CEBPZOS: variants seen among roughly 807,000 people sequenced by gnomAD.
The protein encoded by CEBPZOS is CEBPZ opposite strand.
A neutral mutation model predicts 4.8 loss-of-function variants in CEBPZOS; 10 were observed. The ratio of observed to expected loss-of-function variants is 2.07; its 90% CI spans 1.28 to 3.52. The LOEUF (loss-of-function observed/expected upper bound fraction) is 3.52. Among genes scored for constraint, CEBPZOS ranks in the 30% most tolerant of loss-of-function variants. The pLI is 0.00. For missense variants in CEBPZOS, 98 were observed against 43.6 expected (o/e 2.25, Z -3.51); for synonymous variants, 25 against 14.2 (o/e 1.77, Z -1.72).
intron 1 of CEBPZOS, 119 bp downstream of exon 1, chr2:37,196,639 A>G (rs1477044063): frequency 6.6e-6 from 1 of 152,360 alleles, no homozygotes; most frequent in East Asian, 1.9e-4. Context: ...TGTGGAGGAT[A>G]GTCAGGTGTC....
At position 37,202,695 on chromosome 2, in the gene CEBPZOS, ATAAATAAAAT is replaced by A; in HGVS notation, c.*836_*845del. On this transcript the variant is annotated 3_prime_UTR_variant, in exon 5 of 5. Transcript: ENST00000402297. The stretch of plus-strand genomic sequence containing the variant: ...AAAAAAAAAAAAAAAAAAAAAAAGA[ATAAATAAAAT>A]AACGAAAATTTCCTATCTTCTGAAG... The A allele has an allele frequency of 4.9e-6, 1 of 202,594 alleles. No homozygotes were observed. Among genetic ancestry groups the A allele is most frequent in the Non-Finnish European group, 8.9e-6 (1 of 112,680 alleles). The allele number at this position is 202,594 out of a possible 1,614,324, so 12.5% of individuals were successfully genotyped here.
At position 37,201,658 on chromosome 2, in the gene CEBPZOS, TGA is replaced by T. The variant is rs759907994; in HGVS notation, c.180_181del (p.Lys61ValfsTer49). ...TATTTATAGTTTATTACAAATCCACTGAGAAGTCTGGAATGTATGGAATCAGA... is the reference window on the plus strand; with the variant it reads ...TATTTATAGTTTATTACAAATCCACTGAAGTCTGGAATGTATGGAATCAGA... ...FILEVYYKST[E>X]KSGMYGIREL... On this transcript the variant is annotated frameshift_variant, in exon 4 of 5. Coordinates refer to ENST00000402297, the MANE Select transcript of CEBPZOS (RefSeq NM_001322374.2). LOFTEE classifies it high-confidence loss of function. 3 of 761,676 alleles carry T rather than the reference TGA, an allele frequency of 3.9e-6. No homozygotes were observed. The highest frequency in any genetic ancestry group is 2.7e-5 in the East Asian group (1 of 37,326). The allele number at this position is 761,676 out of a possible 1,614,324, so 47.2% of individuals were successfully genotyped here.
At chr2:37,214,081 G>A, downstream of CEBPZOS, 24 of 468,786 alleles carry the variant, frequency 5.1e-5, no homozygotes, top group South Asian at 3.5e-4. Context: ...ATACTCAATT[G>A]GAAATAAATG....
At chr2:37,213,944 G>A, downstream of CEBPZOS, 1 of 1,567,680 alleles carries the variant, frequency 6.4e-7, no homozygotes. Flanking sequence ...CTCTTTAACA[G>A]CAACTTTTTT....
chr2:37,210,919 G>T, intron 4 of CEBPZOS: 19 of 850,530 alleles, frequency 2.2e-5, no homozygotes, highest in East Asian at 2.8e-5. Context: ...ATCAAATTTA[G>T]GAGAGTTCAT....
chr2:37,202,575 A>G lies in CEBPZOS; in HGVS notation c.*715A>G. The G allele has an allele frequency of 2.7e-6, 1 of 376,828 alleles. No homozygotes were observed. The highest frequency in any genetic ancestry group is 4.0e-5 in the South Asian group (1 of 25,108). 23.3% of individuals were successfully genotyped at this position (376,828 alleles called of 1,614,324 possible). On this transcript the variant is annotated 3_prime_UTR_variant, in exon 5 of 5. Coordinates refer to ENST00000402297, the MANE Select transcript of CEBPZOS (RefSeq NM_001322374.2). Reference sequence around the variant, plus strand: ...TAGGAGAATTACTTGAACATGGGAGATGGAGGTTGCAGTGAGCCAAGATCA... The same window carrying G: ...TAGGAGAATTACTTGAACATGGGAGGTGGAGGTTGCAGTGAGCCAAGATCA...
chr2:37,202,885 A>C lies in CEBPZOS; in HGVS notation c.*1025A>C. ...GCCAAACTTTTAAACAAAAACGATA[A>C]ATTTATTAGAAAACTAAAAATAATG... On this transcript the variant is annotated 3_prime_UTR_variant, in exon 5 of 5. Coordinates refer to ENST00000402297, the MANE Select transcript of CEBPZOS (RefSeq NM_001322374.2). 1 of 1,595,300 alleles carries C rather than the reference A, an allele frequency of 6.3e-7. No individual in the cohort carries two copies. Among genetic ancestry groups the C allele is most frequent in the Non-Finnish European group, 8.5e-7 (1 of 1,170,182 alleles).
At position 37,201,050 on chromosome 2, in the gene CEBPZOS, T is replaced by A. The variant is rs1455279822; in HGVS notation, c.118T>A (p.Phe40Ile). ...CAAGACATCCTTTTTTCCATCAGAT[T>A]TCAGGCAAACAATGAGCAAGAAATA... Reference protein sequence around the residue: ...LFSKMHTSQDFRQTMSKKYPF... With the variant: ...LFSKMHTSQDIRQTMSKKYPF... The change falls in exon 3 of 5, where the codon TTC becomes ATC. Residue 40 changes from phenylalanine (F) to isoleucine (I), a missense_variant and splice_region_variant. Physicochemically the swap from Phe to Ile is conservative, Grantham distance 21. Coordinates refer to ENST00000402297, the MANE Select transcript of CEBPZOS (RefSeq NM_001322374.2). 7 of 716,102 alleles carry A rather than the reference T, an allele frequency of 9.8e-6. No individual in the cohort carries two copies. Among genetic ancestry groups the A allele is most frequent in the Non-Finnish European group, 1.8e-5 (7 of 384,684 alleles). 44.4% of individuals were successfully genotyped at this position (716,102 alleles called of 1,614,324 possible). A position where few individuals can be genotyped will look rare whatever the true frequency, so the allele number is the denominator to read the frequency against.
chr2:37,196,938 C>T (rs1259555837), intron 1 of CEBPZOS, among the ~76,000 whole-genome samples: 1 of 152,184 alleles, frequency 6.6e-6, no homozygotes, highest in Non-Finnish European at 1.5e-5. Context: ...GACGTTGCTG[C>T]TTGAAACCGC....
At chr2:37,207,160 C>T (rs746275794), downstream of CEBPZOS, among the ~76,000 whole-genome samples, 4 of 152,158 alleles carry the variant, frequency 2.6e-5, no homozygotes, top group Non-Finnish European at 4.4e-5. Flanking sequence ...AAAACCATTA[C>T]TACTAGACCT....
chr2:37,204,185 T>G lies in CEBPZOS; in HGVS notation c.*2325T>G, dbSNP rs1191931956. ...TGTGACCTCAACGAGTAGGCACTTC[T>G]GTACTGTACTGGTTTCTTAAAGTTT... On this transcript the variant is annotated 3_prime_UTR_variant, in exon 5 of 5. Transcript: ENST00000402297. 1 of 152,222 alleles carries G rather than the reference T, an allele frequency of 6.6e-6. No homozygotes were observed. Among genetic ancestry groups the G allele is most frequent in the East Asian group, 1.9e-4 (1 of 5,192 alleles). 9.4% of individuals were successfully genotyped at this position (152,222 alleles called of 1,614,324 possible).
At chr2:37,215,545 C>T (rs1372163363), downstream of CEBPZOS, 1 of 152,298 alleles carries the variant, frequency 6.6e-6, no homozygotes, top group African/African-American at 2.4e-5. Context: ...CTCTGGACCT[C>T]TGTGAAGTAA....
chr2:37,202,676 AAAAAAAAAAAAAAAAAG>A lies in CEBPZOS; in HGVS notation c.*819_*835del. On this transcript the variant is annotated 3_prime_UTR_variant, in exon 5 of 5. Transcript: ENST00000402297. ...AAAAAAAAAAAAAAAAAAAAAAAAA[AAAAAAAAAAAAAAAAAG>A]AATAAATAAAATAACGAAAATTTCC... is the stretch of plus-strand genomic sequence containing the variant. 4.7e-6 allele frequency: 1 copy of A among 213,628 alleles called. No homozygotes were observed. The highest frequency in any genetic ancestry group is 8.3e-6 in the Non-Finnish European group (1 of 120,878). The allele number at this position is 213,628 out of a possible 1,614,324, so 13.2% of individuals were successfully genotyped here.
At chr2:37,208,493 C>T (rs148602593), downstream of CEBPZOS, among the ~76,000 whole-genome samples, 20 of 152,136 alleles carry the variant, frequency 1.3e-4, no homozygotes, top group South Asian at 6.2e-4. Context: ...GTTTAACATA[C>T]GCAAGTCAAT....
intron 4 of CEBPZOS, chr2:37,211,375 A>C: frequency 3.8e-6 from 1 of 264,216 alleles, no homozygotes; most frequent in Non-Finnish European, 7.0e-6. Context: ...GTTCAGAATA[A>C]GTAAGAAGAA....
In CEBPZOS at chr2:37,212,383, T is replaced by C. The variant is rs367974344; in HGVS notation, c.*3-1054T>C. 79 of 1,613,170 alleles carry C rather than the reference T, an allele frequency of 4.9e-5. No homozygotes were observed. The highest frequency in any genetic ancestry group is 6.4e-5 in the Non-Finnish European group (76 of 1,179,540). On this transcript the variant is annotated intron_variant, in intron 4 of 4. Transcript: ENST00000397064. ...TCCAGAGCTGAAACAGTTATCATCTTCAAATGTGTCTGCCAGACAATACAG... is the reference window on the plus strand; with the variant it reads ...TCCAGAGCTGAAACAGTTATCATCTCCAAATGTGTCTGCCAGACAATACAG...
chr2:37,213,761 TAA>T (rs1402349830), downstream of CEBPZOS: 1 of 730,978 alleles, frequency 1.4e-6, no homozygotes, highest in African/African-American at 1.9e-5. Context: ...TATTCTTAGC[TAA>T]GTGATTTTTT....
At chr2:37,212,658 C>A (rs891053263) in intron 4 of CEBPZOS, 7 of 472,088 alleles carry the variant, frequency 1.5e-5, no homozygotes, top group Admixed American at 3.9e-5. Context: ...GGATAAATAT[C>A]AAATAAAATG....
downstream of CEBPZOS, chr2:37,215,382 A>AGAGTTTT (rs1362090258): frequency 6.8e-6 from 1 of 146,902 alleles, no homozygotes; most frequent in Non-Finnish European, 1.5e-5. Flanking sequence ...GGAAGTTAAC[A>AGAGTTTT]GAGTTTTCCT....
Sources: gnomAD v4.1 joint callset for allele counts (sites outside exome capture counted in the v4.1 genomes callset) on GRCh38, gnomAD v4.1.1 for gene constraint, MANE v1.5 for transcripts, NCBI Gene and HGNC (gene_info 2026-07-23, HGNC 2026-07-21) for gene names.